LMBRD1: variants seen among roughly 807,000 people sequenced by gnomAD.
LMBRD1 encodes LMBR1 domain containing 1.
In LMBRD1, 64 loss-of-function variants were observed where a neutral mutation model predicts 74.8. That is an observed-to-expected ratio of 0.86 (90% CI 0.70 to 1.05). The LOEUF (loss-of-function observed/expected upper bound fraction) is 1.05, where lower values mean the gene tolerates loss of function less well. Ranked by LOEUF, LMBRD1 falls within the 50% of genes least tolerant of loss-of-function variation. The pLI is 0.00. For missense variants in LMBRD1, 652 were observed against 645.9 expected, an observed-to-expected ratio of 1.01 and a Z score of -0.10; for synonymous variants, 204 against 216.3, an observed-to-expected ratio of 0.94 and a Z score of 0.50.
chr6:69,711,863 G>A (rs1562094877), intron 9 of LMBRD1, among the ~76,000 whole-genome samples: 2 of 151,888 alleles, frequency 1.3e-5, no homozygotes, highest in South Asian at 2.1e-4. Flanking sequence ...AAGTTCACGG[G>A]TACAAATGCA....
chr6:69,719,307 T>C (rs1463482455), intron 7 of LMBRD1, among the ~76,000 whole-genome samples: 1 of 152,142 alleles, frequency 6.6e-6, no homozygotes. Flanking sequence ...AAAGGTTAAG[T>C]TGCAAATTTA....
intron 3 of LMBRD1, among the ~76,000 whole-genome samples, chr6:69,778,377 G>C (rs1765749650): frequency 6.6e-6 from 1 of 152,182 alleles, no homozygotes; most frequent in South Asian, 2.1e-4. Context: ...CCATCTTTGG[G>C]AGGACTAAGA....
chr6:69,699,934 A>C (rs1359619838), intron 12 of LMBRD1, among the ~76,000 whole-genome samples: 6 of 151,830 alleles, frequency 4.0e-5, no homozygotes, highest in African/African-American at 1.2e-4. Flanking sequence ...TTAAACATGA[A>C]AAGGAAAGCA....
intron 3 of LMBRD1, among the ~76,000 whole-genome samples, chr6:69,773,988 G>A (rs556804614): frequency 6.6e-6 from 1 of 152,160 alleles, no homozygotes; most frequent in South Asian, 2.1e-4. Flanking sequence ...CACACAAGAT[G>A]ATAGCCTGAA....
At chr6:69,709,234 CA>C (rs912383726) in intron 9 of LMBRD1, among the ~76,000 whole-genome samples, 223 of 126,450 alleles carry the variant, frequency 1.8e-3, no homozygotes, top group Admixed American at 2.1e-3. Flanking sequence ...AACTCCATCT[CA>C]AAAAAAAAAA....
At chr6:69,761,874 A>G (rs1351337803) in intron 3 of LMBRD1, among the ~76,000 whole-genome samples, 7 of 152,212 alleles carry the variant, frequency 4.6e-5, no homozygotes, top group Non-Finnish European at 1.0e-4. Context: ...TTATATGCAT[A>G]GAATTATATA....
intron 10 of LMBRD1, 152 bp downstream of exon 10, chr6:69,701,737 G>T: frequency 1.5e-6 from 1 of 687,214 alleles, no homozygotes; most frequent in Non-Finnish European, 2.6e-6. Flanking sequence ...ATTATTGGAC[G>T]TTTTAGCCAT....
chr6:69,790,234 G>A, intron 2 of LMBRD1, 62 bp downstream of exon 2: 1 of 1,085,928 alleles, frequency 9.2e-7, no homozygotes, highest in South Asian at 1.3e-5. Context: ...ATATGTATCG[G>A]ACTGCCAAGT....
In LMBRD1 at chr6:69,796,980, A is replaced by T. The variant is rs1044395449; in HGVS notation, c.-99T>A. The T allele has an allele frequency of 4.7e-5, 49 of 1,031,642 alleles. No individual in the cohort carries two copies. Among genetic ancestry groups the T allele is most frequent in the Non-Finnish European group, 6.9e-5 (47 of 678,918 alleles). 63.9% of individuals were successfully genotyped at this position (1,031,642 alleles called of 1,614,324 possible). A position where few individuals can be genotyped will look rare whatever the true frequency, so the allele number is the denominator to read the frequency against. On this transcript the variant is annotated 5_prime_UTR_variant, in exon 1 of 16. Coordinates refer to ENST00000649934, the MANE Select transcript of LMBRD1 (RefSeq NM_018368.4). ...GATATACTGCACCCGCGCACCCTAA[A>T]GGTTAAAGGGGCGGAGGGGGAGGAG...
At chr6:69,754,376 C>T (rs1765228307) in intron 3 of LMBRD1, among the ~76,000 whole-genome samples, 1 of 152,106 alleles carries the variant, frequency 6.6e-6, no homozygotes, top group South Asian at 2.1e-4. Context: ...AAAGAGTTGT[C>T]TTAACATTTG....
intron 8 of LMBRD1, among the ~76,000 whole-genome samples, chr6:69,714,591 C>A (rs1303965348): frequency 2.0e-5 from 3 of 152,072 alleles, no homozygotes; most frequent in Admixed American, 1.3e-4. Context: ...TATAGGATTA[C>A]ATTTTTAAAG....
chr6:69,700,856 T>A lies in LMBRD1; in HGVS notation c.1097A>T (p.Asp366Val). The A allele has an allele frequency of 7.0e-7, 1 of 1,424,968 alleles. No individual in the cohort carries two copies. The highest frequency in any genetic ancestry group is 9.6e-7 in the Non-Finnish European group (1 of 1,043,834). The allele number at this position is 1,424,968 out of a possible 1,614,324, so 88.3% of individuals were successfully genotyped here. ...AATAATAATTGTTATAAGAATATAA[T>A]CAAGAGGGAAAACCTGAAAAAAAAA... is the stretch of plus-strand genomic sequence containing the variant. ...LPLLQTVFPL[D>V]YILITIIIMY... Residue 366 changes from aspartate (D) to valine (V), a missense_variant, in exon 12 of 16, where the codon GAT becomes GTT. Physicochemically the swap from Asp to Val is radical, Grantham distance 152. Transcript: ENST00000649934.
chr6:69,761,470 T>G (rs1765371609), intron 3 of LMBRD1, among the ~76,000 whole-genome samples: 1 of 152,174 alleles, frequency 6.6e-6, no homozygotes, highest in Non-Finnish European at 1.5e-5. Context: ...AATCTATGAA[T>G]TAGGGATAAG....
intron 7 of LMBRD1, among the ~76,000 whole-genome samples, chr6:69,724,229 TCAAA>T (rs1766676547): frequency 6.6e-6 from 1 of 150,788 alleles, no homozygotes; most frequent in Non-Finnish European, 1.5e-5. Flanking sequence ...CCGAATTCTA[TCAAA>T]CATTTAATGA....
chr6:69,700,657 T>C, intron 12 of LMBRD1, 108 bp downstream of exon 12: 1 of 729,706 alleles, frequency 1.4e-6, no homozygotes, highest in Non-Finnish European at 2.0e-6. Flanking sequence ...TTTCTCTCAC[T>C]TGTGGTATAA....
chr6:69,754,076 G>A (rs575876035), intron 3 of LMBRD1, among the ~76,000 whole-genome samples: 1 of 152,132 alleles, frequency 6.6e-6, no homozygotes, highest in Non-Finnish European at 1.5e-5. Flanking sequence ...ACTTATATGA[G>A]GTACTGAGAG....
chr6:69,726,262 T>G (rs987200663), intron 7 of LMBRD1, among the ~76,000 whole-genome samples: 4 of 152,212 alleles, frequency 2.6e-5, no homozygotes, highest in Admixed American at 2.6e-4. Flanking sequence ...AAGGGAACCC[T>G]TGTACACTGT....
At chr6:69,677,377 A>T (rs917481914) in intron 14 of LMBRD1, among the ~76,000 whole-genome samples, 10 of 152,150 alleles carry the variant, frequency 6.6e-5, no homozygotes, top group African/African-American at 2.4e-4. Context: ...CAGCTCCTAC[A>T]TAGAAAGGCA....
intron 9 of LMBRD1, among the ~76,000 whole-genome samples, chr6:69,707,075 T>C (rs1169190023): frequency 6.6e-6 from 1 of 152,168 alleles, no homozygotes. Flanking sequence ...TTCCTTAAGG[T>C]TGTAGAGTTG....
Sources: allele counts gnomAD v4.1 joint callset (sites outside exome capture counted in the v4.1 genomes callset), GRCh38; gene constraint gnomAD v4.1.1; transcripts MANE v1.5; gene names NCBI Gene and HGNC (gene_info 2026-07-23, HGNC 2026-07-21).